The following GRM8 variants were observed in gnomAD, a reference collection of about 807,000 sequenced individuals.
GRM8 encodes metabotropic glutamate receptor 8.
A neutral mutation model predicts 87.2 loss-of-function variants in GRM8; 47 were observed. That is an observed-to-expected ratio of 0.54 (90% CI 0.43 to 0.69). The LOEUF is 0.69. Ranked by LOEUF, GRM8 falls within the 30% of genes least tolerant of loss-of-function variation. The pLI, the probability that GRM8 is intolerant of heterozygous loss-of-function variation, is 0.00. For missense variants in GRM8, 1,019 were observed against 1,139.2 expected (o/e 0.89, Z 1.52); for synonymous variants, 396 against 404.5 (o/e 0.98, Z 0.25).
intron 8 of GRM8, among the ~76,000 whole-genome samples, chr7:126,606,913 G>A (rs1382775874): frequency 6.6e-6 from 1 of 152,146 alleles, no homozygotes; most frequent in East Asian, 1.9e-4. Context: ...ATGTGTACTT[G>A]TGTGTAAAAT....
intron 7 of GRM8, among the ~76,000 whole-genome samples, chr7:126,680,499 A>T (rs11773107): frequency 6.6e-6 from 1 of 152,068 alleles, no homozygotes; most frequent in Non-Finnish European, 1.5e-5. Context: ...GAAGAAGTGC[A>T]GTATATTTCT....
At chr7:127,154,989 T>A in intron 2 of GRM8, among the ~76,000 whole-genome samples, 1 of 152,276 alleles carries the variant, frequency 6.6e-6, no homozygotes, top group East Asian at 1.9e-4. Context: ...AAGGCACCCC[T>A]GAAAGCCTGA....
chr7:126,531,899 C>T (rs1171076089), intron 9 of GRM8, among the ~76,000 whole-genome samples: 2 of 152,124 alleles, frequency 1.3e-5, no homozygotes, highest in Non-Finnish European at 2.9e-5. Flanking sequence ...TGTAATTACC[C>T]CATGACGTTT....
intron 3 of GRM8, chr7:127,076,336 TGA>T: frequency 2.7e-6 from 1 of 373,614 alleles, no homozygotes; most frequent in Non-Finnish European, 5.3e-6. Flanking sequence ...AGATCCATCT[TGA>T]GAGCACAGCA....
At chr7:127,012,324 C>G (rs916480848) in intron 3 of GRM8, among the ~76,000 whole-genome samples, 3 of 152,036 alleles carry the variant, frequency 2.0e-5, no homozygotes, top group Non-Finnish European at 4.4e-5. Flanking sequence ...ATTCTGTATA[C>G]CCGGTGTGCC....
intron 2 of GRM8, among the ~76,000 whole-genome samples, chr7:127,173,537 A>C (rs1449675233): frequency 1.3e-5 from 2 of 152,182 alleles, no homozygotes; most frequent in African/African-American, 4.8e-5. Context: ...AAACCTTTAA[A>C]ACGACTTTGT....
At chr7:126,596,294 T>G (rs1797192791) in intron 8 of GRM8, among the ~76,000 whole-genome samples, 1 of 152,188 alleles carries the variant, frequency 6.6e-6, no homozygotes, top group Admixed American at 6.6e-5. Context: ...AACATTCCCA[T>G]TTTCTCCATA....
chr7:126,742,794 C>T (rs190828751), intron 7 of GRM8, among the ~76,000 whole-genome samples: 3 of 152,160 alleles, frequency 2.0e-5, no homozygotes, highest in Admixed American at 1.3e-4. Context: ...ATTCTAGTCA[C>T]TAGTTAATTA....
At chr7:126,868,198 C>T (rs1798771899) in intron 6 of GRM8, among the ~76,000 whole-genome samples, 1 of 152,192 alleles carries the variant, frequency 6.6e-6, no homozygotes, top group African/African-American at 2.4e-5. Flanking sequence ...CCCCACCATG[C>T]CCAGAGTAAA....
chr7:126,815,236 G>C (rs923787350), intron 6 of GRM8, among the ~76,000 whole-genome samples: 1 of 151,936 alleles, frequency 6.6e-6, no homozygotes, highest in African/African-American at 2.4e-5. Flanking sequence ...AAGTCTTTTT[G>C]GTACACAGAG....
At chr7:126,969,398 T>C (rs1228034054) in intron 3 of GRM8, among the ~76,000 whole-genome samples, 1 of 152,226 alleles carries the variant, frequency 6.6e-6, no homozygotes, top group Non-Finnish European at 1.5e-5. Context: ...ACTAAGTTTA[T>C]GTAATATTCT....
At position 126,596,039 on chromosome 7, in the gene GRM8, G is replaced by A. The variant is rs549057016; in HGVS notation, c.1494+13323C>T. Among the ~76,000 whole-genome samples the A allele has an allele frequency of 5.9e-5, 9 of 152,210 alleles. No homozygotes were observed. In the South Asian group the frequency reaches 6.2e-4, roughly 11 times the overall value. On this transcript the variant is annotated intron_variant, in intron 8 of 10. Coordinates refer to ENST00000339582, the MANE Select transcript of GRM8 (RefSeq NM_000845.3). ...CTCAGGAGGCTGAGCCACAAGAATC[G>A]CTTGAACCCAGGAGGCAGAGGTTGC...
At chr7:126,462,668 T>C (rs555286722) in intron 9 of GRM8, among the ~76,000 whole-genome samples, 1 of 151,808 alleles carries the variant, frequency 6.6e-6, no homozygotes, top group African/African-American at 2.4e-5. Context: ...TTAGTAAATC[T>C]GATAGGCTGA....
chr7:127,235,583 A>T (rs979002423), intron 2 of GRM8, among the ~76,000 whole-genome samples: 4 of 152,346 alleles, frequency 2.6e-5, no homozygotes, highest in Non-Finnish European at 5.9e-5. Context: ...TTTATCAGAG[A>T]TTTGTAAAAT....
chr7:126,696,347 G>A (rs1809372279), intron 7 of GRM8, among the ~76,000 whole-genome samples: 1 of 152,122 alleles, frequency 6.6e-6, no homozygotes, highest in Non-Finnish European at 1.5e-5. Context: ...AGCCCCGCAT[G>A]TATTAGCTAT....
At chr7:126,579,979 C>T (rs1056095497) in intron 8 of GRM8, among the ~76,000 whole-genome samples, 2 of 151,156 alleles carry the variant, frequency 1.3e-5, no homozygotes, top group African/African-American at 2.4e-5. Context: ...AAAAAGAAAA[C>T]GTGCTTATCC....
chr7:126,977,693 A>ATAGG (rs1563373827), intron 3 of GRM8, among the ~76,000 whole-genome samples: 1 of 152,232 alleles, frequency 6.6e-6, no homozygotes, highest in Admixed American at 6.5e-5. Flanking sequence ...AACGGTGTTA[A>ATAGG]CTAGTGCATC....
intron 6 of GRM8, among the ~76,000 whole-genome samples, chr7:126,807,305 C>T (rs1002585462): frequency 1.3e-5 from 2 of 151,344 alleles, no homozygotes; most frequent in Admixed American, 6.6e-5. Flanking sequence ...AAGGCTACTT[C>T]GACTTGAAAA....
chr7:126,453,566 A>G (rs1802887716), intron 9 of GRM8, among the ~76,000 whole-genome samples: 1 of 151,766 alleles, frequency 6.6e-6, no homozygotes, highest in Non-Finnish European at 1.5e-5. Flanking sequence ...AACAAGCAGA[A>G]TATCAGCTTC....
Sources: gnomAD v4.1 joint callset for allele counts (sites outside exome capture counted in the v4.1 genomes callset) on GRCh38, gnomAD v4.1.1 for gene constraint, MANE v1.5 for transcripts, NCBI Gene and HGNC (gene_info 2026-07-23, HGNC 2026-07-21) for gene names.